Variants in ITIH4 observed in about 807,000 individuals in gnomAD.
ITIH4 encodes the protein inter-alpha-trypsin inhibitor heavy chain H4.
ITIH4 carries 79 observed loss-of-function variants against 111.8 expected under a neutral mutation model. That is an observed-to-expected ratio of 0.71 (90% CI 0.59 to 0.85). The LOEUF is 0.85. ITIH4 is among the 40% of genes least tolerant of loss of function. The pLI is 0.00. For missense variants in ITIH4, 1,065 were observed against 1,195.8 expected, an observed-to-expected ratio of 0.89 and a Z score of 1.61; for synonymous variants, 472 against 468.3, an observed-to-expected ratio of 1.01 and a Z score of -0.10.
intron 12 of ITIH4, 88 bp from the exon 13 acceptor site, chr3:52,820,873 G>C: frequency 6.5e-7 from 1 of 1,549,612 alleles, no homozygotes; most frequent in Non-Finnish European, 8.7e-7. Context: ...GTCCCTCTGG[G>C]AGAATCTGGA....
chr3:52,820,342 GAGAC>G (rs748633626), intron 13 of ITIH4, 25 bp from the exon 14 acceptor site: 77 of 1,609,926 alleles, frequency 4.8e-5, no homozygotes, highest in East Asian at 4.2e-4. Flanking sequence ...GAGAGAGAGA[GAGAC>G]AGACAGACAG....
At chr3:52,814,109 A>G (rs1700234863) in intron 22 of ITIH4, 38 bp from the exon 23 acceptor site, 1 of 1,609,596 alleles carries the variant, frequency 6.2e-7, no homozygotes, top group East Asian at 2.2e-5. Context: ...GGTCAGAGAC[A>G]GAGGAAGCCT....
intron 1 of ITIH4, among the ~76,000 whole-genome samples, chr3:52,829,529 T>C (rs1009687952): frequency 2.0e-5 from 3 of 152,188 alleles, no homozygotes; most frequent in African/African-American, 7.2e-5. Context: ...CACGTCCTTC[T>C]TGATCTATAG....
rs1323955340 is a variant in ITIH4, at chr3:52,826,968, C to T, written c.357-15G>A. The T allele has an allele frequency of 1.9e-6, 3 of 1,614,044 alleles. No homozygotes were observed. The highest frequency in any genetic ancestry group is 1.7e-6 in the Non-Finnish European group (2 of 1,179,970). The stretch of plus-strand genomic sequence containing the variant: ...TCCCGGTGGCCCTGGGGGAGAAGGG[C>T]ATCAGGCCTGCTCCTCCAGGACAGG... On this transcript the variant is annotated splice_polypyrimidine_tract_variant and intron_variant, in intron 3 of 23. Coordinates refer to ENST00000266041, the MANE Select transcript of ITIH4 (RefSeq NM_002218.5).
intron 11 of ITIH4, among the ~76,000 whole-genome samples, chr3:52,821,604 T>A (rs909579541): frequency 6.6e-6 from 1 of 152,112 alleles, no homozygotes; most frequent in Non-Finnish European, 1.5e-5. Context: ...GGCTCCGGGT[T>A]TGGGGCCCCA....
Position 52,824,261 on chromosome 3 carries a change from TTGC to T in ITIH4, c.1097_1099del (p.Ser366del). ...CCCTTCGGGCAGCCGCTCCTCCTGG[TTGC>T]TGCTGTCCAGCAACTGCACAGCCAT... On this transcript the variant is annotated inframe_deletion, in exon 9 of 24. Coordinates refer to ENST00000266041, the MANE Select transcript of ITIH4 (RefSeq NM_002218.5). The surrounding 1 kb of genome is among the most constrained non-coding windows in gnomAD (Gnocchi z 4.3). 1.9e-6 allele frequency: 3 copies of T among 1,613,658 alleles called. No individual in the cohort carries two copies. The highest frequency in any genetic ancestry group is 2.5e-6 in the Non-Finnish European group (3 of 1,180,006).
In ITIH4 at chr3:52,823,676, G is replaced by A. The variant is rs144505163; in HGVS notation, c.1419C>T (p.Ala473=). ...AGTTGTTCTGAGTGACCTCCTCCAC[G>A]GCATTGCTTGGGTACTCGAAGGTCA... is the stretch of plus-strand genomic sequence containing the variant. The part of the protein sequence containing the change: ...TAVTFEYPSN[A]VEEVTQNNFR... The change falls in exon 11 of 24, where the codon GCC becomes GCT. Residue 473 remains alanine, a synonymous_variant. Coordinates refer to ENST00000266041, the MANE Select transcript of ITIH4 (RefSeq NM_002218.5). 2.2e-4 allele frequency: 349 copies of A among 1,614,134 alleles called. 1 individual carries two copies. The African/African-American group carries it at 3.5e-3, about 16-fold the overall frequency.
intron 20 of ITIH4, among the ~76,000 whole-genome samples, chr3:52,817,608 G>C (rs1434164952): frequency 2.0e-5 from 3 of 152,158 alleles, no homozygotes; most frequent in Admixed American, 6.5e-5. Flanking sequence ...CAGCACCCCT[G>C]TCTCTTCCTG....
At chr3:52,817,866 C>A (rs1700307004) in intron 20 of ITIH4, among the ~76,000 whole-genome samples, 186 bp downstream of exon 20, 1 of 152,254 alleles carries the variant, frequency 6.6e-6, no homozygotes, top group South Asian at 2.1e-4. Context: ...ACACAAGGTG[C>A]CCAGTGGAAG....
intron 1 of ITIH4, among the ~76,000 whole-genome samples, chr3:52,829,489 C>T (rs536645401): frequency 1.5e-4 from 23 of 152,286 alleles, no homozygotes; most frequent in African/African-American, 4.8e-4. Context: ...GTGCTTCATT[C>T]CCCACCCTAC....
Position 52,826,613 on chromosome 3 carries a change from A to C in ITIH4, c.558T>G (p.Phe186Leu), listed in dbSNP as rs745998424. The C allele has an allele frequency of 6.2e-7, 1 of 1,614,070 alleles. No individual in the cohort carries two copies. Among genetic ancestry groups the C allele is most frequent in the Non-Finnish European group, 8.5e-7 (1 of 1,179,998 alleles). The change falls in exon 5 of 24, where the codon TTT becomes TTG. Residue 186 changes from phenylalanine (F) to leucine (L), a missense_variant. Phe to Leu is a conservative substitution (Grantham distance 22). Transcript: ENST00000266041. The part of the protein sequence containing the change: ...IHIFEPQGIS[F>L]LETESTFMTN... The stretch of plus-strand genomic sequence containing the variant: ...TCATGAAGGTGCTCTCTGTCTCCAG[A>C]AAGCTGATGCCCTGGGGCTCGAAGA...
In ITIH4 at chr3:52,818,043, C is replaced by T. The variant is rs770884840; in HGVS notation, c.2296+9G>A. ...GGTGTCTGGGTCTCTCTGGGTGTGCCTCTCTCACCTTGCTCAGGGTCTGAG... is the reference window on the plus strand; with the variant it reads ...GGTGTCTGGGTCTCTCTGGGTGTGCTTCTCTCACCTTGCTCAGGGTCTGAG... On this transcript the variant is annotated intron_variant, in intron 20 of 23. Coordinates refer to ENST00000266041, the MANE Select transcript of ITIH4 (RefSeq NM_002218.5). The T allele has an allele frequency of 1.2e-5, 20 of 1,603,574 alleles. No homozygotes were observed. The South Asian group carries it at 1.8e-4, about 14-fold the overall frequency.
At chr3:52,816,811 C>A in intron 21 of ITIH4, 73 bp downstream of exon 21, 2 of 1,464,058 alleles carry the variant, frequency 1.4e-6, no homozygotes, top group Non-Finnish European at 1.9e-6. Flanking sequence ...CCTCAGGCCA[C>A]CTGCTGGTAC....
intron 2 of ITIH4, among the ~76,000 whole-genome samples, chr3:52,828,227 C>T (rs775408179): frequency 5.3e-5 from 8 of 152,220 alleles, no homozygotes; most frequent in African/African-American, 1.2e-4. Flanking sequence ...GCAGATGCCA[C>T]GGGCCTGGAC....
At position 52,823,844 on chromosome 3, in the gene ITIH4, T is replaced by C. The variant is rs140033442; in HGVS notation, c.1332A>G (p.Ser444=). ...GGLARRIHED[S]DSALQLQDFY... is the part of the protein sequence containing the mutation. ...GCACCTGGAGCTGCAGGGCAGAGTC[T>C]GAGTCCTCATGGATGCGCCGGGCCA... The change falls in exon 10 of 24, where the codon TCA becomes TCG. Residue 444 remains serine (S), a synonymous_variant. Transcript: ENST00000266041. The C allele has an allele frequency of 6.2e-6, 10 of 1,613,902 alleles. No individual in the cohort carries two copies. Among genetic ancestry groups the C allele is most frequent in the African/African-American group, 5.3e-5 (4 of 75,042 alleles).
chr3:52,820,548 G>A (rs1331543078), intron 13 of ITIH4, 83 bp downstream of exon 13: 4 of 1,491,454 alleles, frequency 2.7e-6, no homozygotes, highest in Admixed American at 1.9e-5. Flanking sequence ...TTGGGGTCTT[G>A]GTCAGGATGC....
chr3:52,820,143 A>T (rs1700352451), intron 14 of ITIH4, 148 bp downstream of exon 14: 1 of 1,309,396 alleles, frequency 7.6e-7, no homozygotes, highest in African/African-American at 1.5e-5. Flanking sequence ...ATGCTGGGTC[A>T]GATTACACTG....
At position 52,824,826 on chromosome 3, in the gene ITIH4, G is replaced by A. The variant is rs1306808172; in HGVS notation, c.876+16C>T. 6.3e-7 allele frequency: 1 copy of A among 1,592,788 alleles called. No homozygotes were observed. Among genetic ancestry groups the A allele is most frequent in the South Asian group, 1.1e-5 (1 of 90,272 alleles). ...CTGGGAGTTTTCAGGGCCCTGCCCT[G>A]GGCCACAGGACCTACCTGCTGGATT... On this transcript the variant is annotated intron_variant, in intron 7 of 23. Transcript: ENST00000266041. This position sits in a 1 kb window ranked among gnomAD's most constrained non-coding sequence, Gnocchi z 4.3.
In ITIH4 at chr3:52,825,773, G is replaced by A. The variant is rs1350349366; in HGVS notation, c.759+113C>T. Reference sequence around the variant, plus strand: ...TGTTTTCTGTCTGTGCCGGTCCCTGGTGCACACTGCTAAGTAAGGGTGGTT... The same window carrying A: ...TGTTTTCTGTCTGTGCCGGTCCCTGATGCACACTGCTAAGTAAGGGTGGTT... On this transcript the variant is annotated intron_variant, in intron 6 of 23. Transcript: ENST00000266041. The A allele has an allele frequency of 3.3e-6, 4 of 1,195,292 alleles. No individual in the cohort carries two copies. In the Admixed American group the frequency reaches 9.6e-5, roughly 29 times the overall value. 74.0% of individuals were successfully genotyped at this position (1,195,292 alleles called of 1,614,324 possible). A position where few individuals can be genotyped will look rare whatever the true frequency, so the allele number is the denominator to read the frequency against.
Sources: gnomAD v4.1 joint callset for allele counts (sites outside exome capture counted in the v4.1 genomes callset) on GRCh38, gnomAD v4.1.1 for gene constraint, Gnocchi (gnomAD v3.1) non-coding constraint, MANE v1.5 for transcripts, NCBI Gene and HGNC (gene_info 2026-07-23, HGNC 2026-07-21) for gene names.